VAMP7: variants seen among roughly 807,000 people sequenced by gnomAD.
VAMP7 encodes the protein vesicle-associated membrane protein 7.
Under a neutral mutation model 29.6 loss-of-function variants are expected in VAMP7, and 14 were observed. That is an observed-to-expected ratio of 0.47 (90% CI 0.31 to 0.74). VAMP7 has a LOEUF of 0.74. VAMP7 is among the 30% of genes least tolerant of loss of function. The pLI is 0.05. For synonymous variants in VAMP7, 95 were observed against 88.1 expected, an observed-to-expected ratio of 1.08 and a Z score of -0.44; for missense variants, 223 against 262.4, an observed-to-expected ratio of 0.85 and a Z score of 1.04.
intron 6 of VAMP7, among the ~76,000 whole-genome samples, chrX:155,938,731 G>A (rs1410517723): frequency 1.3e-5 from 2 of 152,122 alleles, no homozygotes; most frequent in Non-Finnish European, 2.9e-5. Context: ...TGGGAGGATC[G>A]TTTGAGCCCA....
chrX:155,924,693 C>T (rs971395735), intron 6 of VAMP7, among the ~76,000 whole-genome samples: 4 of 152,136 alleles, frequency 2.6e-5, no homozygotes, highest in Admixed American at 1.3e-4. Flanking sequence ...ACTGACTGAT[C>T]GATCAGGCTG....
intron 5 of VAMP7, among the ~76,000 whole-genome samples, chrX:155,917,312 T>C (rs2124340230): frequency 6.6e-6 from 1 of 152,320 alleles, no homozygotes; most frequent in South Asian, 2.1e-4. Context: ...CATTCTCCTT[T>C]AGCTTGGAGG....
At chrX:155,916,355 A>T (rs2066313277) in intron 5 of VAMP7, among the ~76,000 whole-genome samples, 1 of 152,136 alleles carries the variant, frequency 6.6e-6, no homozygotes, top group Non-Finnish European at 1.5e-5. Context: ...CCCCATTTAC[A>T]TTTAAGGTTA....
chrX:155,933,240 C>G (rs757748957), intron 6 of VAMP7, among the ~76,000 whole-genome samples: 1 of 152,290 alleles, frequency 6.6e-6, no homozygotes, highest in Non-Finnish European at 1.5e-5. Flanking sequence ...GGAGGATTCC[C>G]TCATTTTCTA....
intron 6 of VAMP7, among the ~76,000 whole-genome samples, chrX:155,931,062 A>C (rs1037031047): frequency 1.3e-5 from 2 of 152,188 alleles, no homozygotes; most frequent in African/African-American, 4.8e-5. Flanking sequence ...ACGGCTGCGT[A>C]GTATTTCATA....
chrX:155,895,556 A>G, intron 2 of VAMP7, 67 bp from the exon 3 acceptor site: 1 of 1,202,336 alleles, frequency 8.3e-7, no homozygotes, highest in Non-Finnish European at 1.2e-6. Context: ...TTATACATAG[A>G]TAGAAGATAG....
At chrX:155,913,805 G>A (rs749847376) in intron 5 of VAMP7, among the ~76,000 whole-genome samples, 59 of 152,252 alleles carry the variant, frequency 3.9e-4, no homozygotes, top group African/African-American at 1.0e-3. Context: ...GTCAGGTAGC[G>A]TGATGTCTCC....
chrX:155,900,121 G>A (rs1179439374), intron 4 of VAMP7, among the ~76,000 whole-genome samples: 1 of 151,936 alleles, frequency 6.6e-6, no homozygotes, highest in African/African-American at 2.4e-5. Context: ...CAATTTTGCA[G>A]CATTCTTTCC....
intron 1 of VAMP7, among the ~76,000 whole-genome samples, chrX:155,885,002 A>G (rs2065848805): frequency 6.6e-6 from 1 of 152,216 alleles, no homozygotes; most frequent in South Asian, 2.1e-4. Flanking sequence ...ATTTCCTTCT[A>G]TAAATAATGC....
intron 6 of VAMP7, among the ~76,000 whole-genome samples, chrX:155,928,826 A>G (rs5983829): frequency 0.64 from 97,554 of 152,104 alleles, 31,651 homozygotes; most frequent in African/African-American, 0.75. Context: ...TTGACCTGAG[A>G]GTGGTGGAGG....
intron 1 of VAMP7, among the ~76,000 whole-genome samples, chrX:155,887,731 C>T (rs1260093701): frequency 6.6e-6 from 1 of 151,824 alleles, no homozygotes; most frequent in Non-Finnish European, 1.5e-5. Context: ...GAGTTCAAGA[C>T]CAGCCTGGGT....
chrX:155,915,045 T>C (rs2066291071), intron 5 of VAMP7, among the ~76,000 whole-genome samples: 1 of 152,142 alleles, frequency 6.6e-6, no homozygotes, highest in Admixed American at 6.5e-5. Context: ...TCAGAACTTG[T>C]TATTGTTGTA....
rs1417064428 is a variant in VAMP7, at chrX:155,930,694, TTA to T, written c.502-9005_502-9004del. On this transcript the variant is annotated intron_variant, in intron 6 of 7. Transcript: ENST00000286448. ...TTTTCTTTTAATTCTTTTTTATTTT[TTA>T]TTTTTTTTATAAATATATATATTTT... Among the ~76,000 whole-genome samples the T allele has an allele frequency of 2.4e-3, 365 of 149,736 alleles. 3 individuals are homozygous for T. Among genetic ancestry groups the T allele is most frequent in the African/African-American group, 8.5e-3 (346 of 40,554 alleles).
At chrX:155,913,238 A>G (rs2066263328) in intron 5 of VAMP7, among the ~76,000 whole-genome samples, 1 of 151,958 alleles carries the variant, frequency 6.6e-6, no homozygotes, top group African/African-American at 2.4e-5. Context: ...TTTCTTGTAA[A>G]TTTGTTTAAG....
intron 1 of VAMP7, 72 bp from the exon 2 acceptor site, chrX:155,889,386 A>G: frequency 8.4e-6 from 13 of 1,554,732 alleles, no homozygotes; most frequent in Non-Finnish European, 1.1e-5. Context: ...ATGTTGATAA[A>G]TGATAGTAAG....
chrX:155,932,581 G>T lies in VAMP7; in HGVS notation c.502-7120G>T, dbSNP rs150461623. On this transcript the variant is annotated intron_variant, in intron 6 of 7. Coordinates refer to ENST00000286448, the MANE Select transcript of VAMP7 (RefSeq NM_005638.6). The stretch of plus-strand genomic sequence containing the variant: ...TTCGTATCAAGACTTTGCTGGAGTT[G>T]CTTATCAGCTTAAGGAGATTTTGGG... 4.6e-3 allele frequency among the ~76,000 whole-genome samples: 707 copies of T among 152,264 alleles called. 2 individuals are homozygous for T. Among genetic ancestry groups the T allele is most frequent in the African/African-American group, 0.015 (644 of 41,552 alleles).
chrX:155,915,491 G>C (rs2066298725), intron 5 of VAMP7, among the ~76,000 whole-genome samples: 1 of 152,082 alleles, frequency 6.6e-6, no homozygotes, highest in Admixed American at 6.5e-5. Flanking sequence ...ACTTTTTGCT[G>C]TGGGCATTTA....
intron 5 of VAMP7, among the ~76,000 whole-genome samples, chrX:155,907,628 T>A (rs2124303340): frequency 6.6e-6 from 1 of 151,994 alleles, no homozygotes; most frequent in East Asian, 1.9e-4. Context: ...GGCAGAAGAA[T>A]TTTTCTTAGT....
At chrX:155,922,326 C>A (rs1332913467) in intron 6 of VAMP7, among the ~76,000 whole-genome samples, 1 of 151,898 alleles carries the variant, frequency 6.6e-6, no homozygotes, top group African/African-American at 2.4e-5. Flanking sequence ...AAATTCAATA[C>A]TTTTTGAAAA....
Sources: gnomAD v4.1 joint callset for allele counts (sites outside exome capture counted in the v4.1 genomes callset) on GRCh38, gnomAD v4.1.1 for gene constraint, MANE v1.5 for transcripts, NCBI Gene and HGNC (gene_info 2026-07-23, HGNC 2026-07-21) for gene names.